The following TTC28 variants were observed in gnomAD, a reference collection of about 807,000 sequenced individuals.
The protein encoded by TTC28 is tetratricopeptide repeat protein 28.
A neutral mutation model predicts 198.0 loss-of-function variants in TTC28; 61 were observed. The observed-to-expected ratio is 0.31, with a 90% CI of 0.25 to 0.38. TTC28 has a LOEUF of 0.38. Among genes scored for constraint, TTC28 ranks in the 10% least tolerant of loss-of-function variants. The pLI is 1.00. For synonymous variants in TTC28, 1,171 were observed against 1,297.8 expected (o/e 0.90, Z 2.10); for missense variants, 2,678 against 3,164.0 (o/e 0.85, Z 3.69).
chr22:28,140,084 G>C (rs1270000830), intron 6 of TTC28, among the ~76,000 whole-genome samples: 1 of 152,142 alleles, frequency 6.6e-6, no homozygotes, highest in African/African-American at 2.4e-5. Flanking sequence ...TCTTGGATGT[G>C]TGAGTTCCTC....
rs991419285 is a variant in TTC28, at chr22:28,052,071, T to C, written c.3933-21705A>G. Among the ~76,000 whole-genome samples the C allele has an allele frequency of 3.3e-5, 5 of 152,116 alleles. No individual in the cohort carries two copies. The South Asian group carries it at 1.0e-3, about 32-fold the overall frequency. On this transcript the variant is annotated intron_variant, in intron 12 of 22. Coordinates refer to ENST00000397906, the MANE Select transcript of TTC28 (RefSeq NM_001145418.2). ...CCCTGAAACACATGTATTTGCCAAA[T>C]AGAAAGGTGCAGAATTAATTGGAAA...
chr22:28,591,032 C>CAT (rs2050421131), intron 2 of TTC28, among the ~76,000 whole-genome samples: 5 of 62,604 alleles, frequency 8.0e-5, no homozygotes, highest in East Asian at 6.2e-4. Context: ...CACACACACA[C>CAT]ACACACACAT....
In TTC28 at chr22:28,185,741, T is replaced by C. The variant is rs973855556; in HGVS notation, c.934-22142A>G. Among the ~76,000 whole-genome samples the C allele has an allele frequency of 1.7e-4, 26 of 152,204 alleles. 1 individual carries two copies. The highest frequency in any genetic ancestry group is 1.6e-3 in the Admixed American group (25 of 15,264). On this transcript the variant is annotated intron_variant, in intron 5 of 22. Transcript: ENST00000397906. ...ATATCTGAGAGTCAATGAATTATGATATATCAGATGCTTTTTTACATTATC... is the reference window on the plus strand; with the variant it reads ...ATATCTGAGAGTCAATGAATTATGACATATCAGATGCTTTTTTACATTATC...
intron 6 of TTC28, among the ~76,000 whole-genome samples, chr22:28,119,711 C>A (rs912001119): frequency 9.2e-5 from 14 of 152,176 alleles, no homozygotes; most frequent in African/African-American, 2.7e-4. Context: ...GACATCACAC[C>A]CAAAACGACA....
chr22:28,190,964 T>C (rs1057423428), intron 5 of TTC28, among the ~76,000 whole-genome samples: 1 of 152,178 alleles, frequency 6.6e-6, no homozygotes, highest in Admixed American at 6.5e-5. Flanking sequence ...TGCCAGCCCC[T>C]TGGTTCTGAA....
At chr22:28,177,036 A>C (rs753625489) in intron 5 of TTC28, among the ~76,000 whole-genome samples, 13 of 152,242 alleles carry the variant, frequency 8.5e-5, no homozygotes, top group Non-Finnish European at 1.2e-4. Flanking sequence ...GAACTTCATT[A>C]ATATTTAAAA....
intron 2 of TTC28, among the ~76,000 whole-genome samples, chr22:28,589,062 TCA>T (rs2050375808): frequency 6.6e-6 from 1 of 152,128 alleles, no homozygotes; most frequent in Admixed American, 6.6e-5. Context: ...CTTTCTGATC[TCA>T]CACAAGGAAA....
chr22:28,645,113 CGCCT>C (rs1461552561), intron 1 of TTC28, among the ~76,000 whole-genome samples: 1 of 151,062 alleles, frequency 6.6e-6, no homozygotes, highest in Non-Finnish European at 1.5e-5. Flanking sequence ...CCACTGCACT[CGCCT>C]GGGCGACAGA....
intron 10 of TTC28, among the ~76,000 whole-genome samples, chr22:28,096,802 T>C (rs756110948): frequency 1.9e-4 from 28 of 151,224 alleles, no homozygotes; most frequent in Non-Finnish European, 3.1e-4. Context: ...CTTGGCTCTC[T>C]ACGTGTCTTT....
intron 2 of TTC28, among the ~76,000 whole-genome samples, chr22:28,527,642 A>G (rs2049032307): frequency 2.0e-5 from 3 of 152,022 alleles, no homozygotes. Flanking sequence ...ATAATATACT[A>G]AATATTTTTT....
At chr22:28,199,023 GT>G (rs1175463970) in intron 5 of TTC28, among the ~76,000 whole-genome samples, 1 of 152,024 alleles carries the variant, frequency 6.6e-6, no homozygotes, top group Non-Finnish European at 1.5e-5. Context: ...ACAACATAAT[GT>G]TAAACAAAAA....
In TTC28 at chr22:28,107,505, T is replaced by A. The variant is rs1281105314; in HGVS notation, c.2340A>T (p.Glu780Asp). The change falls in exon 7 of 23, where the codon GAA becomes GAT. Residue 780 changes from glutamate (E) to aspartate (D), a missense_variant. Physicochemically the swap from Glu to Asp is conservative, Grantham distance 45. This residue lies in a region of TTC28 where 775 missense variants were observed against 845.9 expected (regional missense o/e 0.92). Transcript: ENST00000397906. Reference protein sequence around the residue: ...YDKALGYHTQELEVYQELSDL... With the variant: ...YDKALGYHTQDLEVYQELSDL... ...CACTCAGCTCCTGATATACCTCCAG[T>A]TCCTGTGTGTGATAACCCAGGGCCT... is the stretch of plus-strand genomic sequence containing the variant. 4 of 1,551,748 alleles carry A rather than the reference T, an allele frequency of 2.6e-6. No individual in the cohort carries two copies. In the Admixed American group the frequency reaches 7.8e-5, roughly 30 times the overall value.
chr22:28,522,534 C>T (rs992348767), intron 2 of TTC28, among the ~76,000 whole-genome samples: 3 of 147,014 alleles, frequency 2.0e-5, no homozygotes, highest in Non-Finnish European at 4.5e-5. Context: ...GAGAGAAAGA[C>T]TGAAAATTGC....
At chr22:28,232,563 T>C (rs925424034) in intron 5 of TTC28, among the ~76,000 whole-genome samples, 4 of 152,144 alleles carry the variant, frequency 2.6e-5, no homozygotes, top group Non-Finnish European at 5.9e-5. Flanking sequence ...TAACATTTGT[T>C]TTGCAAATGT....
intron 2 of TTC28, among the ~76,000 whole-genome samples, chr22:28,480,189 G>A (rs1335315784): frequency 2.0e-5 from 3 of 152,126 alleles, no homozygotes; most frequent in African/African-American, 7.2e-5. Context: ...GCTCCTACAA[G>A]CATTCATTCT....
intron 5 of TTC28, among the ~76,000 whole-genome samples, chr22:28,267,476 T>C (rs2147316128): frequency 6.6e-6 from 1 of 152,332 alleles, no homozygotes; most frequent in Non-Finnish European, 1.5e-5. Context: ...AAGCCTAGTA[T>C]CTGTTTCTGG....
At chr22:28,368,299 T>C (rs1394091302) in intron 2 of TTC28, among the ~76,000 whole-genome samples, 1 of 152,084 alleles carries the variant, frequency 6.6e-6, no homozygotes, top group Non-Finnish European at 1.5e-5. Flanking sequence ...AAAATACATA[T>C]GATCATTTCA....
intron 13 of TTC28, 74 bp downstream of exon 13, chr22:28,030,151 TC>T: frequency 9.9e-6 from 15 of 1,509,904 alleles, no homozygotes; most frequent in South Asian, 7.8e-5. Flanking sequence ...GGAAGGAGCA[TC>T]CACTGAAAGC....
intron 14 of TTC28, among the ~76,000 whole-genome samples, chr22:28,003,315 C>T (rs1937792045): frequency 6.6e-6 from 1 of 152,144 alleles, no homozygotes; most frequent in Admixed American, 6.5e-5. Flanking sequence ...GCTGCCCTGA[C>T]CCTGCTGACA....
Sources: gnomAD v4.1 joint callset for allele counts (sites outside exome capture counted in the v4.1 genomes callset) on GRCh38, gnomAD v4.1.1 for gene constraint, gnomAD v4.1.1 regional missense constraint, MANE v1.5 for transcripts, NCBI Gene and HGNC (gene_info 2026-07-23, HGNC 2026-07-21) for gene names.